Variants in SNTG1 observed in about 807,000 individuals in gnomAD.
SNTG1 encodes syntrophin gamma 1.
In SNTG1, 39 loss-of-function variants were observed where a neutral mutation model predicts 74.7. The observed-to-expected ratio is 0.52, with a 90% CI of 0.40 to 0.68. The LOEUF (loss-of-function observed/expected upper bound fraction) is 0.68. Ranked by LOEUF, SNTG1 falls within the 30% of genes least tolerant of loss-of-function variation. SNTG1 has a pLI of 0.00. For synonymous variants in SNTG1, 254 were observed against 217.1 expected (o/e 1.17, Z -1.49); for missense variants, 685 against 609.5 (o/e 1.12, Z -1.30).
intron 1 of SNTG1, among the ~76,000 whole-genome samples, chr8:50,102,664 G>T (rs2080185577): frequency 6.7e-6 from 1 of 149,366 alleles, no homozygotes; most frequent in Non-Finnish European, 1.5e-5. Flanking sequence ...TAATGCCTAG[G>T]TTTTTTTCTA....
chr8:50,107,289 C>A (rs1023664789), intron 1 of SNTG1, among the ~76,000 whole-genome samples: 2 of 152,066 alleles, frequency 1.3e-5, no homozygotes, highest in Non-Finnish European at 2.9e-5. Context: ...TTTCCCCATC[C>A]TTTATTAGCA....
chr8:50,764,099 G>T (rs1585735940), intron 18 of SNTG1, among the ~76,000 whole-genome samples: 1 of 151,504 alleles, frequency 6.6e-6, no homozygotes, highest in Non-Finnish European at 1.5e-5. Context: ...CCAATAACAG[G>T]GTGACAAGAA....
chr8:50,089,626 C>T (rs1195741350), intron 1 of SNTG1, among the ~76,000 whole-genome samples: 2 of 152,164 alleles, frequency 1.3e-5, no homozygotes, highest in African/African-American at 4.8e-5. Flanking sequence ...CAAAAGAAGA[C>T]ATTTATGCAG....
intron 15 of SNTG1, among the ~76,000 whole-genome samples, chr8:50,703,333 T>C (rs11998686): frequency 2.6e-5 from 4 of 152,102 alleles, no homozygotes; most frequent in Non-Finnish European, 5.9e-5. Flanking sequence ...TTTTTAAAAT[T>C]TTTATAAAAA....
intron 9 of SNTG1, among the ~76,000 whole-genome samples, chr8:50,506,761 A>T (rs1312500512): frequency 2.0e-5 from 3 of 152,034 alleles, no homozygotes; most frequent in East Asian, 3.9e-4. Context: ...GCAAACAAAG[A>T]TAATTTTACT....
chr8:50,741,132 C>G (rs758840493), intron 17 of SNTG1, among the ~76,000 whole-genome samples: 8 of 151,706 alleles, frequency 5.3e-5, no homozygotes, highest in Non-Finnish European at 1.0e-4. Flanking sequence ...AAGAACTTTT[C>G]TTTTTTTTCT....
chr8:49,982,523 ATG>A (rs1812775392), intron 1 of SNTG1, among the ~76,000 whole-genome samples: 1 of 150,446 alleles, frequency 6.6e-6, no homozygotes, highest in Non-Finnish European at 1.5e-5. Context: ...TACATACATA[ATG>A]TGTGTGAGTT....
At chr8:50,488,481 C>G (rs1400108570) in intron 8 of SNTG1, among the ~76,000 whole-genome samples, 1 of 152,168 alleles carries the variant, frequency 6.6e-6, no homozygotes, top group South Asian at 2.1e-4. Flanking sequence ...CCTACCTTCA[C>G]TGATCTATTT....
intron 1 of SNTG1, among the ~76,000 whole-genome samples, chr8:49,985,464 A>T (rs933880048): frequency 1.3e-5 from 2 of 152,202 alleles, no homozygotes; most frequent in Non-Finnish European, 2.9e-5. Context: ...TCAATATTGA[A>T]ATCACATTTC....
intron 15 of SNTG1, among the ~76,000 whole-genome samples, chr8:50,665,020 A>G (rs7818970): frequency 0.059 from 9,013 of 152,232 alleles, 874 homozygotes; most frequent in African/African-American, 0.2. Context: ...TGGATGACAG[A>G]GATTATTTTT....
At chr8:50,668,847 A>AT (rs2095263710) in intron 15 of SNTG1, among the ~76,000 whole-genome samples, 1 of 151,966 alleles carries the variant, frequency 6.6e-6, no homozygotes, top group Non-Finnish European at 1.5e-5. Flanking sequence ...TCCATGGTGT[A>AT]TATGTACCAC....
At chr8:50,266,742 C>G (rs1247080735) in intron 2 of SNTG1, among the ~76,000 whole-genome samples, 1 of 148,750 alleles carries the variant, frequency 6.7e-6, no homozygotes, top group African/African-American at 2.5e-5. Context: ...AAGCAGTAAA[C>G]TTTCTCCTTA....
intron 18 of SNTG1, among the ~76,000 whole-genome samples, chr8:50,783,981 G>A (rs1374500930): frequency 6.6e-6 from 1 of 152,114 alleles, no homozygotes; most frequent in East Asian, 1.9e-4. Flanking sequence ...CATTGATATA[G>A]CTTTATCAAA....
intron 18 of SNTG1, among the ~76,000 whole-genome samples, chr8:50,773,692 C>T (rs1445043712): frequency 6.6e-6 from 1 of 151,974 alleles, no homozygotes; most frequent in Non-Finnish European, 1.5e-5. Context: ...CAGTTTTAAA[C>T]AAAAATTATG....
At chr8:50,047,846 A>G (rs890911893) in intron 1 of SNTG1, among the ~76,000 whole-genome samples, 3 of 152,154 alleles carry the variant, frequency 2.0e-5, no homozygotes, top group African/African-American at 4.8e-5. Flanking sequence ...GTATTTTACC[A>G]AGTTGCTAAG....
intron 1 of SNTG1, among the ~76,000 whole-genome samples, chr8:50,041,669 G>A (rs1345611327): frequency 1.3e-5 from 2 of 152,126 alleles, no homozygotes; most frequent in East Asian, 3.9e-4. Context: ...AAGGGACTGT[G>A]GAACCATATT....
intron 1 of SNTG1, among the ~76,000 whole-genome samples, chr8:50,086,509 G>T (rs1822902250): frequency 6.6e-6 from 1 of 152,080 alleles, no homozygotes; most frequent in Non-Finnish European, 1.5e-5. Context: ...TAATTTTTTA[G>T]GCTGATGGCC....
chr8:49,934,714 AAATAT>A (rs1308971711), intron 1 of SNTG1, among the ~76,000 whole-genome samples: 2 of 152,216 alleles, frequency 1.3e-5, no homozygotes, highest in Admixed American at 1.3e-4. Flanking sequence ...ATACAGATGC[AAATAT>A]AAGAGCAACA....
At chr8:50,608,607 T>C (rs2094829539) in intron 13 of SNTG1, among the ~76,000 whole-genome samples, 1 of 151,902 alleles carries the variant, frequency 6.6e-6, no homozygotes, top group Non-Finnish European at 1.5e-5. Context: ...AATGCACATT[T>C]GTTCCAGTCA....
Sources: allele counts gnomAD v4.1 joint callset (sites outside exome capture counted in the v4.1 genomes callset), GRCh38; gene constraint gnomAD v4.1.1; transcripts MANE v1.5; gene names NCBI Gene and HGNC (gene_info 2026-07-23, HGNC 2026-07-21).